DNMT3B: variants seen among roughly 807,000 people sequenced by gnomAD.
DNMT3B encodes DNA methyltransferase 3 beta.
A neutral mutation model predicts 120.2 loss-of-function variants in DNMT3B; 37 were observed. The ratio of observed to expected loss-of-function variants is 0.31; its 90% CI spans 0.24 to 0.40. The LOEUF (loss-of-function observed/expected upper bound fraction) is 0.40. Among genes scored for constraint, DNMT3B ranks in the 10% least tolerant of loss-of-function variants. DNMT3B has a pLI of 1.00. For missense variants in DNMT3B, 878 were observed against 1,137.3 expected (o/e 0.77, Z 3.28); for synonymous variants, 412 against 442.8 (o/e 0.93, Z 0.87).
Position 32,800,900 on chromosome 20 carries a change from G to C in DNMT3B, c.1971G>C (p.Val657=). The change falls in exon 18 of 23, where the codon GTG becomes GTC. Residue 657 remains valine (V), a synonymous_variant. Coordinates refer to ENST00000328111, the MANE Select transcript of DNMT3B (RefSeq NM_006892.4). ...GGSPCNDLSN[V]NPARKGLYEG... is the part of the protein sequence containing the mutation. ...GCCCATGCAACGATCTCTCAAATGT[G>C]AATCCAGCCAGGAAAGGCCTGTATG... The C allele has an allele frequency of 6.2e-7, 1 of 1,614,210 alleles. No individual in the cohort carries two copies.
Position 32,799,343 on chromosome 20 carries a change from CACCTGGAGACACTGCTATCGTGTCACA to C in DNMT3B, c.1759+18_1759+44del. ...CATCGCGACAGGTGAGTTCGGGGAACACCTGGAGACACTGCTATCGTGTCACAACAGGGTAGCCAGGGAGTCAGAAGG... is the reference window on the plus strand; with the variant it reads ...CATCGCGACAGGTGAGTTCGGGGAACACAGGGTAGCCAGGGAGTCAGAAGG... On this transcript the variant is annotated intron_variant, in intron 16 of 22. Coordinates refer to ENST00000328111, the MANE Select transcript of DNMT3B (RefSeq NM_006892.4). 2 of 1,608,638 alleles carry C rather than the reference CACCTGGAGACACTGCTATCGTGTCACA, an allele frequency of 1.2e-6. No homozygotes were observed. The highest frequency in any genetic ancestry group is 1.7e-6 in the Non-Finnish European group (2 of 1,177,720).
chr20:32,784,932 A>C, intron 4 of DNMT3B, 73 bp downstream of exon 4: 2 of 1,408,894 alleles, frequency 1.4e-6, no homozygotes, highest in Non-Finnish European at 2.0e-6. Flanking sequence ...TGCTACATAC[A>C]TAGCATAGCT....
intron 1 of DNMT3B, among the ~76,000 whole-genome samples, chr20:32,772,738 T>G (rs1048494760): frequency 2.7e-5 from 4 of 150,338 alleles, no homozygotes; most frequent in Admixed American, 6.7e-5. Context: ...ATGGTCCTAG[T>G]TTTTTTTTTC....
In DNMT3B at chr20:32,798,660, C is replaced by T. The variant is rs560578981; in HGVS notation, c.1674+17C>T. 1.9e-5 allele frequency: 30 copies of T among 1,613,780 alleles called. No homozygotes were observed. The East Asian group carries it at 2.0e-4, about 11-fold the overall frequency. On this transcript the variant is annotated intron_variant, in intron 15 of 22. Transcript: ENST00000328111. ...CTTGAATATGTAAGCCACAGGCTCCCGCCTCTACCACCACAGATCCCAGGG... is the reference window on the plus strand; with the variant it reads ...CTTGAATATGTAAGCCACAGGCTCCTGCCTCTACCACCACAGATCCCAGGG...
chr20:32,778,447 G>T (rs1440114575), intron 1 of DNMT3B, among the ~76,000 whole-genome samples: 3 of 152,124 alleles, frequency 2.0e-5, no homozygotes, highest in Admixed American at 2.0e-4. Flanking sequence ...ACTTCCAACA[G>T]TTCTTCCAAG....
intron 3 of DNMT3B, among the ~76,000 whole-genome samples, chr20:32,783,269 TTAG>T (rs1276906382): frequency 1.2e-4 from 18 of 152,290 alleles, no homozygotes; most frequent in Admixed American, 1.1e-3. Context: ...GATGTTAGGA[TTAG>T]GTGGGCTCAA....
At chr20:32,773,667 A>G (rs188758927) in intron 1 of DNMT3B, among the ~76,000 whole-genome samples, 82 of 149,010 alleles carry the variant, frequency 5.5e-4, no homozygotes, top group Admixed American at 1.1e-3. Flanking sequence ...CCTAGAGTGC[A>G]GTGGCATGAC....
At position 32,762,519 on chromosome 20, in the gene DNMT3B, G is replaced by T; in HGVS notation, c.-187G>T. 3.3e-6 allele frequency: 1 copy of T among 305,816 alleles called. No homozygotes were observed. Among genetic ancestry groups the T allele is most frequent in the Admixed American group, 3.4e-5 (1 of 29,134 alleles). 18.9% of individuals were successfully genotyped at this position (305,816 alleles called of 1,614,324 possible). A position where few individuals can be genotyped will look rare whatever the true frequency, so the allele number is the denominator to read the frequency against. ...CCGGCTCCCTGGCGGTCGGGCGAGC[G>T]GGCGGCAACGCTGCCCGGCCGGCAG... On this transcript the variant is annotated 5_prime_UTR_variant, in exon 1 of 23. Transcript: ENST00000328111.
chr20:32,781,100 G>A (rs1344870118), intron 2 of DNMT3B, among the ~76,000 whole-genome samples: 3 of 152,214 alleles, frequency 2.0e-5, no homozygotes, highest in South Asian at 2.1e-4. Context: ...GGAAGGAATC[G>A]GAGGGCTCCC....
chr20:32,784,402 G>A (rs1979006655), intron 3 of DNMT3B, among the ~76,000 whole-genome samples: 1 of 152,214 alleles, frequency 6.6e-6, no homozygotes, highest in African/African-American at 2.4e-5. Flanking sequence ...ATTTTAAAAT[G>A]AGGGAAATGG....
At chr20:32,787,925 G>A (rs1421640163) in intron 6 of DNMT3B, among the ~76,000 whole-genome samples, 4 of 152,050 alleles carry the variant, frequency 2.6e-5, no homozygotes, top group African/African-American at 9.7e-5. Context: ...GTTCTCTGGC[G>A]GGCAGGAGTG....
Position 32,799,292 on chromosome 20 carries a change from A to G in DNMT3B, c.1723A>G (p.Ile575Val). 1 of 1,613,562 alleles carries G rather than the reference A, an allele frequency of 6.2e-7. No homozygotes were observed. Among genetic ancestry groups the G allele is most frequent in the Non-Finnish European group, 8.5e-7 (1 of 1,179,834 alleles). ...CATTCCCGCAGCCCGAAGGCGGCCC[A>G]TTCGAGTCCTGTCATTGTTTGATGG... ...PAIPAARRRP[I>V]RVLSLFDGIA... is the part of the protein sequence containing the mutation. The change falls in exon 16 of 23, where the codon ATT becomes GTT. Residue 575 changes from isoleucine (I) to valine (V), a missense_variant. This residue lies in a region of DNMT3B where 334 missense variants were observed against 518.8 expected (regional missense o/e 0.64). Transcript: ENST00000328111.
At chr20:32,799,170 A>G in intron 15 of DNMT3B, 74 bp from the exon 16 acceptor site, 2 of 1,522,384 alleles carry the variant, frequency 1.3e-6, no homozygotes, top group Non-Finnish European at 1.8e-6. Flanking sequence ...GAGCAGGGTC[A>G]GCCTGCCCCT....
chr20:32,765,758 C>CTTTTTTT (rs532836566), intron 1 of DNMT3B, among the ~76,000 whole-genome samples: 1 of 67,114 alleles, frequency 1.5e-5, no homozygotes, highest in Non-Finnish European at 2.4e-5. Flanking sequence ...TTCTTTTTTT[C>CTTTTTTT]TTTTTTTTTT....
At chr20:32,773,255 T>C (rs1355458448) in intron 1 of DNMT3B, among the ~76,000 whole-genome samples, 1 of 152,076 alleles carries the variant, frequency 6.6e-6, no homozygotes, top group Non-Finnish European at 1.5e-5. Flanking sequence ...TATAGGTGTG[T>C]GCCACCACGC....
chr20:32,783,765 G>A lies in DNMT3B; in HGVS notation c.205-993G>A, dbSNP rs189421311. Among the ~76,000 whole-genome samples the A allele has an allele frequency of 1.6e-4, 25 of 152,078 alleles. 1 individual carries two copies. The highest frequency in any genetic ancestry group is 1.4e-3 in the Admixed American group (22 of 15,274). On this transcript the variant is annotated intron_variant, in intron 3 of 22. Transcript: ENST00000328111. ...TTTGAGACAGAGTCTCCAGTCTGTC[G>A]CCCAGGCTGGAGTGCAATGGCACGA...
In DNMT3B at chr20:32,807,581, C is replaced by G. The variant is rs564614895; in HGVS notation, c.2421-181C>G. Among the ~76,000 whole-genome samples the G allele has an allele frequency of 2.0e-5, 3 of 152,262 alleles. No individual in the cohort carries two copies. The South Asian group carries it at 6.2e-4, about 32-fold the overall frequency. On this transcript the variant is annotated intron_variant, in intron 22 of 22. Coordinates refer to ENST00000328111, the MANE Select transcript of DNMT3B (RefSeq NM_006892.4). Reference sequence around the variant, plus strand: ...AGGCCTGCACAAAACGGGGGACTTTCATTTGTGAGCAATTTGTAAGCAAGT... The same window carrying G: ...AGGCCTGCACAAAACGGGGGACTTTGATTTGTGAGCAATTTGTAAGCAAGT...
intron 4 of DNMT3B, among the ~76,000 whole-genome samples, chr20:32,785,888 T>C (rs988301744): frequency 1.5e-5 from 2 of 134,972 alleles, no homozygotes; most frequent in African/African-American, 7.6e-5. Context: ...CTTTCTTTTT[T>C]TTTCTTTTTT....
intron 12 of DNMT3B, among the ~76,000 whole-genome samples, chr20:32,796,528 G>A (rs919501334): frequency 2.0e-5 from 3 of 152,176 alleles, no homozygotes; most frequent in African/African-American, 7.2e-5. Flanking sequence ...ACACCAGGGA[G>A]GTCCCCCTGC....
Sources: gnomAD v4.1 joint callset for allele counts (sites outside exome capture counted in the v4.1 genomes callset) on GRCh38, gnomAD v4.1.1 for gene constraint, gnomAD v4.1.1 regional missense constraint, MANE v1.5 for transcripts, NCBI Gene and HGNC (gene_info 2026-07-23, HGNC 2026-07-21) for gene names.